ZFAT: variants seen among roughly 807,000 people sequenced by gnomAD.
ZFAT encodes the protein zinc finger protein ZFAT.
A neutral mutation model predicts 117.7 loss-of-function variants in ZFAT; 64 were observed. The observed-to-expected ratio is 0.54, with a 90% confidence interval of 0.44 to 0.67. The LOEUF (loss-of-function observed/expected upper bound fraction) is 0.67, where lower values mean the gene tolerates loss of function less well. Ranked by LOEUF, ZFAT falls within the 30% of genes least tolerant of loss-of-function variation. The probability of loss-of-function intolerance (pLI) is 0.00; values close to 1 mark genes in which losing one functional copy is unlikely to be tolerated. For missense variants in ZFAT, 1,433 were observed against 1,584.5 expected (o/e 0.90, Z 1.62); for synonymous variants, 679 against 615.0 (o/e 1.10, Z -1.54).
chr8:134,720,120 T>C, the ZFAT span, among the ~76,000 whole-genome samples: 1 of 152,192 alleles, frequency 6.6e-6, no homozygotes, highest in African/African-American at 2.4e-5. Context: ...TGAGAGGACA[T>C]GGAGAGAAAA....
At chr8:134,527,112 C>G (rs1273692609) in intron 12 of ZFAT, among the ~76,000 whole-genome samples, 2 of 152,104 alleles carry the variant, frequency 1.3e-5, no homozygotes, top group East Asian at 1.9e-4. Context: ...GAGATGCAAT[C>G]TGAGAGAAGC....
chr8:134,815,763 C>T, the ZFAT span, among the ~76,000 whole-genome samples: 2 of 152,190 alleles, frequency 1.3e-5, no homozygotes, highest in East Asian at 3.8e-4. Context: ...TCTCCAAAAT[C>T]CTAAGGGCAT....
At chr8:134,717,523 G>A (rs1273990610), upstream of ZFAT, among the ~76,000 whole-genome samples, 9 of 93,490 alleles carry the variant, frequency 9.6e-5, no homozygotes, top group Admixed American at 5.1e-4. Context: ...TCACTCTGTC[G>A]CCCAGGCTGG....
At position 134,657,646 on chromosome 8, in the gene ZFAT, T is replaced by C. The variant is rs200441089; in HGVS notation, c.111A>G (p.Glu37=). ...TAATCTCATCAACATTAACCCCTTC[T>C]TCCATGTGCTTCTCTGAAACGTGGG... ...LLSHVSEKHM[E]EGVNVDEIII... is the part of the protein sequence containing the mutation. The change falls in exon 2 of 16, where the codon GAA becomes GAG. Residue 37 remains glutamate, a synonymous_variant. Coordinates refer to ENST00000377838, the MANE Select transcript of ZFAT (RefSeq NM_020863.4). 6.2e-7 allele frequency: 1 copy of C among 1,614,124 alleles called. No homozygotes were observed. The highest frequency in any genetic ancestry group is 8.5e-7 in the Non-Finnish European group (1 of 1,180,038).
At chr8:134,641,695 A>G (rs1830592969) in intron 2 of ZFAT, among the ~76,000 whole-genome samples, 3 of 152,368 alleles carry the variant, frequency 2.0e-5, no homozygotes, top group South Asian at 4.1e-4. Context: ...GATACAATTA[A>G]TAAGTACACA....
the ZFAT span, among the ~76,000 whole-genome samples, chr8:134,781,858 T>C: frequency 6.6e-6 from 1 of 152,220 alleles, no homozygotes; most frequent in Non-Finnish European, 1.5e-5. Flanking sequence ...TTCTCTACCT[T>C]GCAATTTTCT....
At chr8:134,811,782 G>T in the ZFAT span, among the ~76,000 whole-genome samples, 1 of 152,206 alleles carries the variant, frequency 6.6e-6, no homozygotes, top group African/African-American at 2.4e-5. Flanking sequence ...CAGTCTGACA[G>T]AACTAGGCCA....
the ZFAT span, among the ~76,000 whole-genome samples, chr8:134,802,210 CAA>C: frequency 1.3e-5 from 2 of 152,106 alleles, no homozygotes; most frequent in African/African-American, 4.8e-5. Context: ...CCAGGCTAGG[CAA>C]AGTGTGGCAG....
chr8:134,714,370 T>C (rs1342753165), upstream of ZFAT, among the ~76,000 whole-genome samples: 2 of 152,194 alleles, frequency 1.3e-5, no homozygotes, highest in African/African-American at 2.4e-5. Flanking sequence ...CTCACTAGAC[T>C]GAGCTTCCTG....
At chr8:134,581,734 G>A (rs1825725195) in intron 10 of ZFAT, among the ~76,000 whole-genome samples, 2 of 152,162 alleles carry the variant, frequency 1.3e-5, no homozygotes, top group Non-Finnish European at 2.9e-5. Flanking sequence ...ACAGGTGTGA[G>A]CCACCATGCC....
rs368907482 is a variant in ZFAT at position 134,610,648 on chromosome 8, C to T, written c.456G>A (p.Glu152=). The T allele has an allele frequency of 2.8e-5, 45 of 1,613,758 alleles. No homozygotes were observed. In the Middle Eastern group the frequency reaches 9.9e-4, roughly 35 times the overall value. ...LGEEEGEAGN[E]SDLELEKKCK... Reference sequence around the variant, plus strand: ...ACTTCTTTTCTAGTTCAAGGTCAGACTCGTTACCTAAGGAGCAAATACCAA... The same window carrying T: ...ACTTCTTTTCTAGTTCAAGGTCAGATTCGTTACCTAAGGAGCAAATACCAA... The change falls in exon 4 of 16, where the codon GAG becomes GAA. Residue 152 remains glutamate (E), a synonymous_variant. Transcript: ENST00000377838.
chr8:134,761,304 G>C, the ZFAT span, among the ~76,000 whole-genome samples: 3 of 152,112 alleles, frequency 2.0e-5, no homozygotes, highest in Admixed American at 1.3e-4. Context: ...GGAAGACAGA[G>C]CAAGCATTTG....
chr8:134,600,299 C>T, intron 7 of ZFAT, 137 bp downstream of exon 7: 1 of 821,306 alleles, frequency 1.2e-6, no homozygotes, highest in East Asian at 2.4e-5. Flanking sequence ...CTGCCACGTG[C>T]ACAGCTGTGT....
chr8:134,725,131 T>C, the ZFAT span, among the ~76,000 whole-genome samples: 1 of 152,296 alleles, frequency 6.6e-6, no homozygotes, highest in African/African-American at 2.4e-5. Context: ...AGATTAAGGC[T>C]ACCATCCTTC....
intron 12 of ZFAT, among the ~76,000 whole-genome samples, chr8:134,529,539 T>C (rs1464633792): frequency 6.6e-6 from 1 of 151,666 alleles, no homozygotes; most frequent in Non-Finnish European, 1.5e-5. Flanking sequence ...AAGCCAGGAG[T>C]ATAATATTTA....
intron 5 of ZFAT, among the ~76,000 whole-genome samples, chr8:134,605,166 C>A (rs998399148): frequency 1.3e-5 from 2 of 152,154 alleles, no homozygotes; most frequent in Admixed American, 6.5e-5. Context: ...TGAACTGATG[C>A]CAGAGCTTCG....
At chr8:134,559,402 T>C (rs1823896164) in intron 11 of ZFAT, among the ~76,000 whole-genome samples, 2 of 152,254 alleles carry the variant, frequency 1.3e-5, no homozygotes, top group Non-Finnish European at 2.9e-5. Flanking sequence ...TTCTTTCCTG[T>C]AGCCACAAAG....
intron 15 of ZFAT, among the ~76,000 whole-genome samples, chr8:134,500,854 G>A (rs1211606590): frequency 6.6e-6 from 1 of 152,178 alleles, no homozygotes; most frequent in African/African-American, 2.4e-5. Flanking sequence ...CGCAACAACA[G>A]AAAGAACATT....
chr8:134,508,402 A>C (rs1819573153), intron 15 of ZFAT, among the ~76,000 whole-genome samples: 1 of 152,216 alleles, frequency 6.6e-6, no homozygotes. Flanking sequence ...TAGTGCCAAG[A>C]AAAGCTAACC....
Sources: gnomAD v4.1 joint callset for allele counts (sites outside exome capture counted in the v4.1 genomes callset) on GRCh38, gnomAD v4.1.1 for gene constraint, MANE v1.5 for transcripts, NCBI Gene and HGNC (gene_info 2026-07-23, HGNC 2026-07-21) for gene names.